The following GALNT17 variants were observed in gnomAD, a reference collection of about 807,000 sequenced individuals.
The protein encoded by GALNT17 is polypeptide N-acetylgalactosaminyltransferase 17, also known as UDP-GalNAc:polypeptide N-acetylgalactosaminyltransferase-like 3.
GALNT17 carries 29 observed loss-of-function variants against 63.7 expected under a neutral mutation model. That is an observed-to-expected ratio of 0.46 (90% CI 0.34 to 0.62). The LOEUF is 0.62. GALNT17 is among the 20% of genes least tolerant of loss of function. The pLI, the probability that GALNT17 is intolerant of heterozygous loss-of-function variation, is 0.01. For missense variants in GALNT17, 603 were observed against 799.6 expected, an observed-to-expected ratio of 0.75 and a Z score of 2.97; for synonymous variants, 305 against 318.3, an observed-to-expected ratio of 0.96 and a Z score of 0.45.
At chr7:71,532,415 T>A (rs185981334) in intron 5 of GALNT17, among the ~76,000 whole-genome samples, 4 of 152,242 alleles carry the variant, frequency 2.6e-5, no homozygotes, top group African/African-American at 9.6e-5. Flanking sequence ...TTGCACGAAA[T>A]TTTTTGATAA....
chr7:71,149,835 A>T (rs977365472), intron 1 of GALNT17, among the ~76,000 whole-genome samples: 3 of 152,116 alleles, frequency 2.0e-5, no homozygotes, highest in Non-Finnish European at 4.4e-5. Flanking sequence ...TGTCCTTCCT[A>T]TGATTGCACA....
At chr7:71,553,822 C>G (rs138782008) in intron 5 of GALNT17, among the ~76,000 whole-genome samples, 1 of 152,198 alleles carries the variant, frequency 6.6e-6, no homozygotes, top group Non-Finnish European at 1.5e-5. Context: ...TCCATTAAAT[C>G]AAGATTTTGA....
chr7:71,439,380 C>CAGCCTGGGAA lies in GALNT17; in HGVS notation c.962+18283_962+18284insAAAGCCTGGG, dbSNP rs1787024920. The stretch of plus-strand genomic sequence containing the variant: ...GACATCACCTAGGTACCTTCTGCAC[C>CAGCCTGGGAA]AGCCTGGGTAGATCAATATTTCTTT... On this transcript the variant is annotated intron_variant, in intron 5 of 10. Transcript: ENST00000333538. Among the ~76,000 whole-genome samples, 3 of 152,178 alleles carry CAGCCTGGGAA rather than the reference C, an allele frequency of 2.0e-5. No homozygotes were observed. The South Asian group carries it at 6.2e-4, about 32-fold the overall frequency.
At chr7:71,628,217 G>GA (rs1790403692) in intron 6 of GALNT17, among the ~76,000 whole-genome samples, 1 of 152,052 alleles carries the variant, frequency 6.6e-6, no homozygotes, top group Non-Finnish European at 1.5e-5. Context: ...TGAATTCCTA[G>GA]AAAAATAAAA....
intron 2 of GALNT17, among the ~76,000 whole-genome samples, chr7:71,353,524 T>C (rs1369497235): frequency 6.6e-6 from 1 of 152,236 alleles, no homozygotes; most frequent in Non-Finnish European, 1.5e-5. Flanking sequence ...TTTCATGACA[T>C]TGACATTTTT....
chr7:71,336,925 A>G (rs1012036803), intron 2 of GALNT17, among the ~76,000 whole-genome samples: 3 of 152,188 alleles, frequency 2.0e-5, no homozygotes, highest in African/African-American at 7.2e-5. Flanking sequence ...GCTTTCTACA[A>G]TGGCGGAACT....
At chr7:71,158,761 G>C (rs1352748816) in intron 1 of GALNT17, among the ~76,000 whole-genome samples, 1 of 151,622 alleles carries the variant, frequency 6.6e-6, no homozygotes, top group East Asian at 1.9e-4. Context: ...ATTTTTAGTA[G>C]AGATGGGGTT....
chr7:71,147,887 C>T (rs1788054183), intron 1 of GALNT17, among the ~76,000 whole-genome samples: 1 of 152,126 alleles, frequency 6.6e-6, no homozygotes. Flanking sequence ...GCCTTGGCCT[C>T]CCAAAGTGCT....
intron 5 of GALNT17, among the ~76,000 whole-genome samples, chr7:71,500,222 C>G (rs542465605): frequency 2.6e-5 from 4 of 152,278 alleles, no homozygotes; most frequent in Middle Eastern, 3.4e-3. Context: ...CCCTGTCTCC[C>G]TTATTACAGT....
At chr7:71,406,096 C>G (rs779265789) in intron 3 of GALNT17, among the ~76,000 whole-genome samples, 1 of 152,158 alleles carries the variant, frequency 6.6e-6, no homozygotes, top group Non-Finnish European at 1.5e-5. Flanking sequence ...CAAAGGAGAT[C>G]TAATTTGGCT....
At chr7:71,578,097 C>T (rs1046195466) in intron 6 of GALNT17, among the ~76,000 whole-genome samples, 11 of 151,780 alleles carry the variant, frequency 7.2e-5, no homozygotes, top group Admixed American at 2.0e-4. Flanking sequence ...AGTGCAGTGG[C>T]GCAGTCTCGG....
chr7:71,303,958 A>T (rs932419240), intron 1 of GALNT17, among the ~76,000 whole-genome samples: 1 of 152,178 alleles, frequency 6.6e-6, no homozygotes, highest in African/African-American at 2.4e-5. Flanking sequence ...ACTGCAAACA[A>T]TCGGCTTTTC....
At chr7:71,274,018 C>G (rs1790640207) in intron 1 of GALNT17, among the ~76,000 whole-genome samples, 1 of 152,328 alleles carries the variant, frequency 6.6e-6, no homozygotes, top group Admixed American at 6.5e-5. Context: ...GAAGAATATT[C>G]TGGTTCATTT....
rs1047044967 is a variant in GALNT17 at position 71,627,914 on chromosome 7, G to A, written c.1081-37497G>A. ...CCTGTATCCTTATTAGGAGTGATAC[G>A]GCTGCCAACAGGGCAATAATTGGTT... On this transcript the variant is annotated intron_variant, in intron 6 of 10. Transcript: ENST00000333538. Among the ~76,000 whole-genome samples the A allele has an allele frequency of 7.2e-5, 11 of 152,096 alleles. No homozygotes were observed. In the East Asian group the frequency reaches 1.4e-3, roughly 19 times the overall value.
At chr7:71,346,270 A>G (rs1371157633) in intron 2 of GALNT17, among the ~76,000 whole-genome samples, 3 of 152,084 alleles carry the variant, frequency 2.0e-5, no homozygotes, top group South Asian at 2.1e-4. Context: ...CAAAAATTCT[A>G]TGTTAAACTT....
In GALNT17 at chr7:71,238,263, G is replaced by A. The variant is rs552297521; in HGVS notation, c.239-97287G>A. Among the ~76,000 whole-genome samples the A allele has an allele frequency of 4.3e-4, 65 of 152,312 alleles. 2 individuals are homozygous for A. The Middle Eastern group carries it at 0.01, about 24-fold the overall frequency. On this transcript the variant is annotated intron_variant, in intron 1 of 10. Coordinates refer to ENST00000333538, the MANE Select transcript of GALNT17 (RefSeq NM_022479.3). Reference sequence around the variant, plus strand: ...TTTTGCAGTATTTCAGGCATGGAGGGGACTCTGGTTCCAGGGTGGGAGGCA... The same window carrying A: ...TTTTGCAGTATTTCAGGCATGGAGGAGACTCTGGTTCCAGGGTGGGAGGCA...
intron 1 of GALNT17, among the ~76,000 whole-genome samples, chr7:71,242,277 T>TC (rs1219257540): frequency 3.4e-5 from 4 of 117,334 alleles, no homozygotes; most frequent in Admixed American, 1.7e-4. Context: ...TTTTTCTTTT[T>TC]TTTTTTTTTT....
At chr7:71,535,408 G>A (rs1292910672) in intron 5 of GALNT17, among the ~76,000 whole-genome samples, 1 of 152,158 alleles carries the variant, frequency 6.6e-6, no homozygotes, top group African/African-American at 2.4e-5. Context: ...TTTGTTTGCT[G>A]TCTCTTTGTT....
intron 1 of GALNT17, among the ~76,000 whole-genome samples, chr7:71,252,042 T>G (rs1168543997): frequency 6.6e-6 from 1 of 152,076 alleles, no homozygotes; most frequent in African/African-American, 2.4e-5. Flanking sequence ...CGGGACTCAC[T>G]CAGGGAGCAA....
Sources: gnomAD v4.1 joint callset for allele counts (sites outside exome capture counted in the v4.1 genomes callset) on GRCh38, gnomAD v4.1.1 for gene constraint, MANE v1.5 for transcripts, NCBI Gene and HGNC (gene_info 2026-07-23, HGNC 2026-07-21) for gene names.